Variants in PIGM observed in about 807,000 individuals in gnomAD.
PIGM encodes phosphatidylinositol glycan anchor biosynthesis class M.
Under a neutral mutation model 14.6 loss-of-function variants are expected in PIGM, and 7 were observed. That is an observed-to-expected ratio of 0.48 (90% CI 0.27 to 0.90). PIGM has a LOEUF of 0.90. Among genes scored for constraint, PIGM ranks in the 40% least tolerant of loss-of-function variants. The pLI is 0.12. For missense variants in PIGM, 506 were observed against 516.2 expected (o/e 0.98, Z 0.19); for synonymous variants, 216 against 215.9 (o/e 1.00, Z 0.00).
Position 160,031,851 on chromosome 1 carries a change from T to G in PIGM, c.-112A>C. On this transcript the variant is annotated 5_prime_UTR_variant, in exon 1 of 1. Coordinates refer to ENST00000368090, the MANE Select transcript of PIGM (RefSeq NM_145167.3). ...CCGCCGCATCTCCCACCCGCCAGGCTGCCAACCGAAACGACTGCAGACTAT... is the reference window on the plus strand; with the variant it reads ...CCGCCGCATCTCCCACCCGCCAGGCGGCCAACCGAAACGACTGCAGACTAT... The G allele has an allele frequency of 7.7e-7, 1 of 1,298,292 alleles. No homozygotes were observed. 80.4% of individuals were successfully genotyped at this position (1,298,292 alleles called of 1,614,324 possible).
rs1247493860 is a variant in PIGM at position 160,030,690 on chromosome 1, G to C, written c.1050C>G (p.Val350=). The C allele has an allele frequency of 6.2e-7, 1 of 1,613,936 alleles. No individual in the cohort carries two copies. Among genetic ancestry groups the C allele is most frequent in the African/African-American group, 1.3e-5 (1 of 74,930 alleles). The part of the protein sequence containing the change: ...LCLLPLVMPL[V]RMPWKRAVVL... ...CTACAGCTCTTTTCCAAGGCATTCT[G>C]ACTAGTGGCATCACAAGAGGCAGTA... Residue 350 remains valine (V), a synonymous_variant, in exon 1 of 1, where the codon GTC becomes GTG. Transcript: ENST00000368090.
rs1195554474 is a variant in PIGM at position 160,026,631 on chromosome 1, T to G, written c.*3837A>C. The stretch of plus-strand genomic sequence containing the variant: ...CAATGAGGGAAGATCACTTAAGTGA[T>G]CTCCCTCTTGCAACATAGCAAGACC... On this transcript the variant is annotated 3_prime_UTR_variant, in exon 1 of 1. Transcript: ENST00000368090. The G allele has an allele frequency of 6.6e-6, 1 of 151,988 alleles. No homozygotes were observed. The highest frequency in any genetic ancestry group is 2.4e-5 in the African/African-American group (1 of 41,384). 9.4% of individuals were successfully genotyped at this position (151,988 alleles called of 1,614,324 possible). A position where few individuals can be genotyped will look rare whatever the true frequency, so the allele number is the denominator to read the frequency against.
Position 160,031,287 on chromosome 1 carries a change from G to A in PIGM, c.453C>T (p.Ala151=). 6.2e-7 allele frequency: 1 copy of A among 1,614,114 alleles called. No homozygotes were observed. The highest frequency in any genetic ancestry group is 8.5e-7 in the Non-Finnish European group (1 of 1,180,010). Residue 151 remains alanine (A), a synonymous_variant, in exon 1 of 1, where the codon GCC becomes GCT. Transcript: ENST00000368090. ...SSRGNADSIV[A]SLVLMVLYLI... is the part of the protein sequence containing the mutation. ...AGTAGAGGACCATCAGGACCAGGGA[G>A]GCGACAATAGAGTCCGCATTACCGC...
In PIGM at chr1:160,031,610, G is replaced by A. The variant is rs760723414; in HGVS notation, c.130C>T (p.His44Tyr). The A allele has an allele frequency of 1.2e-5, 20 of 1,614,022 alleles. No homozygotes were observed. In the Admixed American group the frequency reaches 1.7e-4, roughly 13 times the overall value. The change falls in exon 1 of 1, where the codon CAC becomes TAC. Residue 44 changes from histidine to tyrosine, a missense_variant. Coordinates refer to ENST00000368090, the MANE Select transcript of PIGM (RefSeq NM_145167.3). ...TAGTCGATGTCCGTATACCTCACGT[G>A]CAGGGTCCGGTCCTGGAAGACGCCA... is the stretch of plus-strand genomic sequence containing the variant. ...FYGVFQDRTL[H>Y]VRYTDIDYQV...
In PIGM at chr1:160,029,889, C is replaced by A. The variant is rs1648281077; in HGVS notation, c.*579G>T. ...TACAGGGGTGCACCACAACACCTGG[C>A]TAATTTTTTTTTTTTTTTTTGAGAC... On this transcript the variant is annotated 3_prime_UTR_variant, in exon 1 of 1. Transcript: ENST00000368090. The A allele has an allele frequency of 8.7e-6, 1 of 115,078 alleles. No homozygotes were observed. The highest frequency in any genetic ancestry group is 1.0e-4 in the Admixed American group (1 of 9,976). The allele number at this position is 115,078 out of a possible 1,614,324, so 7.1% of individuals were successfully genotyped here.
chr1:160,031,619 G>A lies in PIGM; in HGVS notation c.121C>T (p.Arg41Trp). 1.2e-6 allele frequency: 2 copies of A among 1,614,110 alleles called. No homozygotes were observed. Among genetic ancestry groups the A allele is most frequent in the South Asian group, 1.1e-5 (1 of 91,056 alleles). ...ALVFYGVFQD[R>W]TLHVRYTDID... ...TCCGTATACCTCACGTGCAGGGTCC[G>A]GTCCTGGAAGACGCCATAGAAAACC... Residue 41 changes from arginine (R) to tryptophan (W), a missense_variant, in exon 1 of 1, where the codon CGG (arginine) becomes TGG (tryptophan). Arg to Trp is a moderately radical substitution (Grantham distance 101). Transcript: ENST00000368090.
chr1:160,030,295 C>T lies in PIGM; in HGVS notation c.*173G>A. On this transcript the variant is annotated 3_prime_UTR_variant, in exon 1 of 1. Transcript: ENST00000368090. ...CTAGGATTTCCTAGAAGGTGGACCT[C>T]AATTATTGTGTCCCTTTTATATATA... The T allele has an allele frequency of 1.5e-6, 1 of 672,828 alleles. No homozygotes were observed. The highest frequency in any genetic ancestry group is 2.6e-6 in the Non-Finnish European group (1 of 390,242). The allele number at this position is 672,828 out of a possible 1,614,324, so 41.7% of individuals were successfully genotyped here. A position where few individuals can be genotyped will look rare whatever the true frequency, so the allele number is the denominator to read the frequency against.
Position 160,027,172 on chromosome 1 carries a change from A to G in PIGM, c.*3296T>C, listed in dbSNP as rs1349846803. 1 of 152,244 alleles carries G rather than the reference A, an allele frequency of 6.6e-6. No homozygotes were observed. Among genetic ancestry groups the G allele is most frequent in the Non-Finnish European group, 1.5e-5 (1 of 68,070 alleles). The allele number at this position is 152,244 out of a possible 1,614,324, so 9.4% of individuals were successfully genotyped here. A position where few individuals can be genotyped will look rare whatever the true frequency, so the allele number is the denominator to read the frequency against. On this transcript the variant is annotated 3_prime_UTR_variant, in exon 1 of 1. Coordinates refer to ENST00000368090, the MANE Select transcript of PIGM (RefSeq NM_145167.3). ...TGGGGGGAACCAAGAGGTTGCATTT[A>G]GGGACAATCCTAGGTATAATTTTTC...
Position 160,031,570 on chromosome 1 carries a change from T to C in PIGM, c.170A>G (p.Asp57Gly). Reference sequence around the variant, plus strand: ...CCCCTCCGTGACGAAGCGCGCGGCGTCGGTGAAGACCTGGTAGTCGATGTC... The same window carrying C: ...CCCCTCCGTGACGAAGCGCGCGGCGCCGGTGAAGACCTGGTAGTCGATGTC... ...YTDIDYQVFT[D>G]AARFVTEGRS... Residue 57 changes from aspartate (D) to glycine (G), a missense_variant, in exon 1 of 1, where the codon GAC (aspartate) becomes GGC (glycine). Transcript: ENST00000368090. 1 of 1,614,018 alleles carries C rather than the reference T, an allele frequency of 6.2e-7. No homozygotes were observed. The highest frequency in any genetic ancestry group is 1.1e-5 in the South Asian group (1 of 91,058).
chr1:160,025,565 G>C lies in PIGM; in HGVS notation c.*4903C>G, dbSNP rs1370578262. The C allele has an allele frequency of 6.6e-6, 1 of 152,252 alleles. No individual in the cohort carries two copies. Among genetic ancestry groups the C allele is most frequent in the Non-Finnish European group, 1.5e-5 (1 of 68,048 alleles). 9.4% of individuals were successfully genotyped at this position (152,252 alleles called of 1,614,324 possible). ...AAATTACACAATTTGGTGAGAGAGG[G>C]TTTGGAGGTGGAGGGGAGTTGTTAA... On this transcript the variant is annotated 3_prime_UTR_variant, in exon 1 of 1. Transcript: ENST00000368090.
Position 160,027,332 on chromosome 1 carries a change from A to T in PIGM, c.*3136T>A, listed in dbSNP as rs1024332902. 12 of 152,240 alleles carry T rather than the reference A, an allele frequency of 7.9e-5. No homozygotes were observed. The highest frequency in any genetic ancestry group is 2.9e-4 in the African/African-American group (12 of 41,460). The allele number at this position is 152,240 out of a possible 1,614,324, so 9.4% of individuals were successfully genotyped here. ...AAAGACAAGTTCTACACAACTTCTG[A>T]AACATCTTGTAAGAGTCCAGATGGT... On this transcript the variant is annotated 3_prime_UTR_variant, in exon 1 of 1. Coordinates refer to ENST00000368090, the MANE Select transcript of PIGM (RefSeq NM_145167.3).
At position 160,030,145 on chromosome 1, in the gene PIGM, T is replaced by C. The variant is rs1648286541; in HGVS notation, c.*323A>G. The C allele has an allele frequency of 3.2e-6, 1 of 316,862 alleles. No homozygotes were observed. The highest frequency in any genetic ancestry group is 7.5e-5 in the East Asian group (1 of 13,398). 19.6% of individuals were successfully genotyped at this position (316,862 alleles called of 1,614,324 possible). On this transcript the variant is annotated 3_prime_UTR_variant, in exon 1 of 1. Transcript: ENST00000368090. The stretch of plus-strand genomic sequence containing the variant: ...TTGTAAAACAGGAACAAATACTGGC[T>C]TAAACCTGATGTCTCTAACTATATT...
rs766225735 is a variant in PIGM at position 160,031,752 on chromosome 1, C to A, written c.-13G>T. The A allele has an allele frequency of 6.2e-7, 1 of 1,613,946 alleles. No homozygotes were observed. Among genetic ancestry groups the A allele is most frequent in the South Asian group, 1.1e-5 (1 of 91,070 alleles). ...TGGTGGAGCCCATGATCTGACCGTG[C>A]GACAGCTGCTTAGCCCCAGCTCCAA... On this transcript the variant is annotated 5_prime_UTR_variant, in exon 1 of 1. Transcript: ENST00000368090.
chr1:160,031,626 G>A lies in PIGM; in HGVS notation c.114C>T (p.Phe38=), dbSNP rs750229736. ...ARVALVFYGV[F]QDRTLHVRYT... ...ACCTCACGTGCAGGGTCCGGTCCTGGAAGACGCCATAGAAAACCAGGGCGA... is the reference window on the plus strand; with the variant it reads ...ACCTCACGTGCAGGGTCCGGTCCTGAAAGACGCCATAGAAAACCAGGGCGA... Residue 38 remains phenylalanine, a synonymous_variant, in exon 1 of 1, where the codon TTC becomes TTT. Coordinates refer to ENST00000368090, the MANE Select transcript of PIGM (RefSeq NM_145167.3). 1.6e-5 allele frequency: 26 copies of A among 1,614,040 alleles called. No homozygotes were observed. In the South Asian group the frequency reaches 2.7e-4, roughly 17 times the overall value.
rs1648352345 is a variant in PIGM, at chr1:160,031,913, C to A, written c.-174G>T. ...TGAAGCCCCGCCCCCGTACTGCTAC[C>A]TGTCTCCAGCCCCGCGCGGTCTTCT... On this transcript the variant is annotated 5_prime_UTR_variant, in exon 1 of 1. The change creates a new upstream start codon in the 5' untranslated region. Transcript: ENST00000368090. 7.1e-6 allele frequency: 6 copies of A among 844,540 alleles called. No homozygotes were observed. The highest frequency in any genetic ancestry group is 5.8e-5 in the South Asian group (4 of 68,482). The allele number at this position is 844,540 out of a possible 1,614,324, so 52.3% of individuals were successfully genotyped here. A position where few individuals can be genotyped will look rare whatever the true frequency, so the allele number is the denominator to read the frequency against.
Position 160,029,674 on chromosome 1 carries a change from G to C in PIGM, c.*794C>G, listed in dbSNP as rs539090683. ...CCTCCCAAAGTCTTTGGATTATCTT[G>C]TAAGACCCCACATTTAATATAGAAG... On this transcript the variant is annotated 3_prime_UTR_variant, in exon 1 of 1. Transcript: ENST00000368090. The C allele has an allele frequency of 1.2e-4, 18 of 150,124 alleles. No homozygotes were observed. Among genetic ancestry groups the C allele is most frequent in the African/African-American group, 4.2e-4 (17 of 40,856 alleles). 9.3% of individuals were successfully genotyped at this position (150,124 alleles called of 1,614,324 possible).
At position 160,026,987 on chromosome 1, in the gene PIGM, T is replaced by C. The variant is rs1212281593; in HGVS notation, c.*3481A>G. On this transcript the variant is annotated 3_prime_UTR_variant, in exon 1 of 1. Coordinates refer to ENST00000368090, the MANE Select transcript of PIGM (RefSeq NM_145167.3). The stretch of plus-strand genomic sequence containing the variant: ...CCACTTCAGCTTCCCAAGTAGCACT[T>C]TTTTTTTTGTACAGATGGGGGTCTC... 1 of 150,766 alleles carries C rather than the reference T, an allele frequency of 6.6e-6. No individual in the cohort carries two copies. Among genetic ancestry groups the C allele is most frequent in the African/African-American group, 2.4e-5 (1 of 41,062 alleles). The allele number at this position is 150,766 out of a possible 1,614,324, so 9.3% of individuals were successfully genotyped here. A position where few individuals can be genotyped will look rare whatever the true frequency, so the allele number is the denominator to read the frequency against.
chr1:160,031,346 G>A lies in PIGM; in HGVS notation c.394C>T (p.Leu132Phe), dbSNP rs752444191. The A allele has an allele frequency of 6.2e-7, 1 of 1,609,722 alleles. No individual in the cohort carries two copies. Among genetic ancestry groups the A allele is most frequent in the Non-Finnish European group, 8.5e-7 (1 of 1,177,286 alleles). The change falls in exon 1 of 1, where the codon CTT becomes TTT. Residue 132 changes from leucine (L) to phenylalanine (F), a missense_variant. Transcript: ENST00000368090. ...RQACGYCVFWLLNPLPMAVSS... is the reference protein window; with the variant it reads ...RQACGYCVFWFLNPLPMAVSS... ...ACTGCCATAGGCAGGGGGTTAAGAA[G>A]CCAAAAGACACAGTAGCCACAAGCC...
chr1:160,025,991 G>C lies in PIGM; in HGVS notation c.*4477C>G, dbSNP rs920084304. The C allele has an allele frequency of 1.3e-5, 2 of 152,148 alleles. No individual in the cohort carries two copies. The highest frequency in any genetic ancestry group is 6.5e-5 in the Admixed American group (1 of 15,272). The allele number at this position is 152,148 out of a possible 1,614,324, so 9.4% of individuals were successfully genotyped here. ...AGATGTAAAATAATTAGCTGTTGTT[G>C]TTGGGGCAGGGCTTGGAGTTGGGGG... On this transcript the variant is annotated 3_prime_UTR_variant, in exon 1 of 1. Transcript: ENST00000368090.
Sources: allele counts gnomAD v4.1 joint callset, GRCh38; gene constraint gnomAD v4.1.1; transcripts MANE v1.5; gene names NCBI Gene and HGNC (gene_info 2026-07-23, HGNC 2026-07-21).